The following GLB1 variants were observed in gnomAD, a reference collection of about 807,000 sequenced individuals.
GLB1 encodes galactosidase beta 1, also known as beta-galactosidase.
A neutral mutation model predicts 74.0 loss-of-function variants in GLB1; 56 were observed. The ratio of observed to expected loss-of-function variants is 0.76; its 90% confidence interval spans 0.61 to 0.94. The LOEUF is 0.94. Among genes scored for constraint, GLB1 ranks in the 40% least tolerant of loss-of-function variants. The pLI is 0.00. For missense variants in GLB1, 787 were observed against 845.5 expected (o/e 0.93, Z 0.86); for synonymous variants, 323 against 323.6 (o/e 1.00, Z 0.02).
the GLB1 span, among the ~76,000 whole-genome samples, chr3:32,963,968 A>T: frequency 1.3e-5 from 2 of 152,242 alleles, no homozygotes; most frequent in Non-Finnish European, 1.5e-5. Flanking sequence ...TGACTTGAGC[A>T]TGCGGATGTC....
chr3:32,964,149 CA>C, the GLB1 span, among the ~76,000 whole-genome samples: 6 of 152,292 alleles, frequency 3.9e-5, no homozygotes, highest in Non-Finnish European at 7.3e-5. Flanking sequence ...AACAGACTAT[CA>C]TTGGAGGCGA....
chr3:33,074,825 C>A (rs919258079), intron 1 of GLB1, among the ~76,000 whole-genome samples: 3 of 152,150 alleles, frequency 2.0e-5, no homozygotes, highest in Non-Finnish European at 4.4e-5. Flanking sequence ...TTGGGGGTTG[C>A]CCTTGAAGCT....
chr3:33,022,563 G>GTTTTTTTTTTTTTTTTTTTTTTTT (rs1380045437), intron 11 of GLB1, among the ~76,000 whole-genome samples: 1 of 15,318 alleles, frequency 6.5e-5, no homozygotes, highest in South Asian at 6.0e-3. Flanking sequence ...TACTGGTTAG[G>GTTTTTTTTTTTTTTTTTTTTTTTT]ATTTTTTTTT....
chr3:33,074,324 AGAAGGAAGGAAGGAAGGAAG>A (rs71622579), intron 1 of GLB1, among the ~76,000 whole-genome samples: 51 of 92,946 alleles, frequency 5.5e-4, no homozygotes, highest in African/African-American at 2.2e-3. Context: ...AGAACGAGAA[AGAAGGAAGGAAGGAAGGAAG>A]GAAGGAAGGA....
At chr3:33,017,691 G>T (rs112335821) in intron 13 of GLB1, among the ~76,000 whole-genome samples, 3 of 152,134 alleles carry the variant, frequency 2.0e-5, no homozygotes, top group Admixed American at 1.3e-4. Flanking sequence ...TAGTTGTCAC[G>T]AGCAGTCCTT....
chr3:32,965,412 G>A, the GLB1 span, among the ~76,000 whole-genome samples: 3 of 152,294 alleles, frequency 2.0e-5, no homozygotes, highest in East Asian at 5.8e-4. Context: ...CTTTAGCAAA[G>A]AGACTGGTGG....
At chr3:33,015,667 G>A (rs535830999) in intron 14 of GLB1, among the ~76,000 whole-genome samples, 1 of 152,366 alleles carries the variant, frequency 6.6e-6, no homozygotes, top group East Asian at 1.9e-4. Flanking sequence ...TGTGGCCTGT[G>A]AGAGCCAGGC....
At chr3:33,057,684 G>A (rs559631604) in intron 6 of GLB1, among the ~76,000 whole-genome samples, 1 of 152,178 alleles carries the variant, frequency 6.6e-6, no homozygotes, top group Admixed American at 6.5e-5. Context: ...GCATAACCCC[G>A]AGTGTCCTGC....
At chr3:32,979,038 G>A in the GLB1 span, among the ~76,000 whole-genome samples, 95 of 149,878 alleles carry the variant, frequency 6.3e-4, no homozygotes, top group African/African-American at 2.0e-3. Context: ...GGGCAATGGC[G>A]CAATCTCAAT....
Position 33,093,159 on chromosome 3 carries a change from C to A in GLB1, c.75+3852G>T. 6.2e-7 allele frequency: 1 copy of A among 1,614,162 alleles called. No homozygotes were observed. Among genetic ancestry groups the A allele is most frequent in the Non-Finnish European group, 8.5e-7 (1 of 1,180,028 alleles). On this transcript the variant is annotated intron_variant, in intron 1 of 15. Transcript: ENST00000307363. This position sits in a 1 kb window ranked among gnomAD's most constrained non-coding sequence, Gnocchi z 6.0. ...GGCCTTGTCAAGATCCATGCCATGG[C>A]CAGAGTAGTGCAGGATGTCTGCTTC...
At chr3:33,076,810 T>C (rs1160998346) in intron 1 of GLB1, among the ~76,000 whole-genome samples, 3 of 152,214 alleles carry the variant, frequency 2.0e-5, no homozygotes, top group Non-Finnish European at 2.9e-5. Flanking sequence ...CTCATTACTA[T>C]GAAAAGTGAT....
chr3:33,089,171 A>G (rs1700649061), intron 1 of GLB1, among the ~76,000 whole-genome samples: 2 of 152,228 alleles, frequency 1.3e-5, no homozygotes, highest in Admixed American at 1.3e-4. Flanking sequence ...ACCCAAAACT[A>G]TAACACTCCT....
At chr3:33,034,428 A>T (rs762830869) in intron 10 of GLB1, 71 of 739,718 alleles carry the variant, frequency 9.6e-5, no homozygotes, top group Non-Finnish European at 1.6e-4. Flanking sequence ...GGCTGTGACA[A>T]CCTCTTCAAG....
intron 9 of GLB1, 120 bp from the exon 10 acceptor site, chr3:33,046,352 T>A: frequency 8.7e-7 from 1 of 1,155,730 alleles, no homozygotes; most frequent in Non-Finnish European, 1.3e-6. Flanking sequence ...TAAAACCACT[T>A]GTTGGGAGAC....
At chr3:32,994,794 G>A (rs576689394), downstream of GLB1, among the ~76,000 whole-genome samples, 15 of 152,120 alleles carry the variant, frequency 9.9e-5, no homozygotes, top group Non-Finnish European at 1.9e-4. Context: ...GGTGATGCAC[G>A]CCTGTAATCC....
chr3:33,027,935 C>T (rs1697838932), intron 10 of GLB1, among the ~76,000 whole-genome samples: 1 of 152,248 alleles, frequency 6.6e-6, no homozygotes, highest in African/African-American at 2.4e-5. Context: ...TTGAGATAGG[C>T]TGTTGCCCAG....
chr3:32,990,047 T>A, the GLB1 span, among the ~76,000 whole-genome samples: 1 of 152,226 alleles, frequency 6.6e-6, no homozygotes, highest in African/African-American at 2.4e-5. Flanking sequence ...TTCAGGATAC[T>A]ACCATCTGGT....
chr3:32,965,386 G>A, the GLB1 span, among the ~76,000 whole-genome samples: 4 of 152,260 alleles, frequency 2.6e-5, no homozygotes, highest in Admixed American at 2.6e-4. Context: ...CTGGAGCAAA[G>A]GTGACTCTTG....
chr3:33,009,995 G>C (rs1384149534), intron 15 of GLB1, among the ~76,000 whole-genome samples: 2 of 152,168 alleles, frequency 1.3e-5, no homozygotes. Context: ...TTCTCCACTT[G>C]TCAGGTGATA....
Sources: gnomAD v4.1 joint callset for allele counts (sites outside exome capture counted in the v4.1 genomes callset) on GRCh38, gnomAD v4.1.1 for gene constraint, Gnocchi (gnomAD v3.1) non-coding constraint, MANE v1.5 for transcripts, NCBI Gene and HGNC (gene_info 2026-07-23, HGNC 2026-07-21) for gene names.